RANBP17: variants seen among roughly 807,000 people sequenced by gnomAD.
RANBP17 encodes the protein RAN binding protein 17.
A neutral mutation model predicts 141.2 loss-of-function variants in RANBP17; 158 were observed. The observed-to-expected ratio is 1.12, with a 90% CI of 0.98 to 1.28. The LOEUF is 1.28. RANBP17 is among the 50% of genes most tolerant of loss of function. RANBP17 has a pLI of 0.00. For synonymous variants in RANBP17, 430 were observed against 450.0 expected, an observed-to-expected ratio of 0.96 and a Z score of 0.56; for missense variants, 1,438 against 1,290.7, an observed-to-expected ratio of 1.11 and a Z score of -1.75.
intron 13 of RANBP17, among the ~76,000 whole-genome samples, chr5:170,955,425 CTCT>C (rs1775539035): frequency 6.9e-6 from 1 of 145,168 alleles, no homozygotes; most frequent in South Asian, 2.2e-4. Flanking sequence ...TTGTGATGAT[CTCT>C]TCTAACTTAT....
intron 22 of RANBP17, among the ~76,000 whole-genome samples, chr5:171,232,632 A>G (rs990448082): frequency 6.6e-6 from 1 of 152,258 alleles, no homozygotes; most frequent in Admixed American, 6.5e-5. Flanking sequence ...CCCCCCATTC[A>G]TCACCCAAAG....
intron 14 of RANBP17, among the ~76,000 whole-genome samples, chr5:171,061,811 G>T (rs1783885272): frequency 6.6e-6 from 1 of 152,098 alleles, no homozygotes; most frequent in African/African-American, 2.4e-5. Context: ...TCTCTTTGTA[G>T]GTCACTCAGG....
intron 2 of RANBP17, among the ~76,000 whole-genome samples, chr5:170,878,485 A>G (rs925074879): frequency 1.3e-5 from 2 of 152,076 alleles, no homozygotes; most frequent in Non-Finnish European, 2.9e-5. Flanking sequence ...CTTGATTACT[A>G]TTGGTCTCTT....
At chr5:171,044,512 C>T (rs1047688770) in intron 14 of RANBP17, among the ~76,000 whole-genome samples, 1 of 151,794 alleles carries the variant, frequency 6.6e-6, no homozygotes, top group Non-Finnish European at 1.5e-5. Flanking sequence ...TTTATTTGAT[C>T]TTTGACTATA....
At chr5:171,271,081 T>C (rs1291328638) in intron 25 of RANBP17, 17 of 54,772 alleles carry the variant, frequency 3.1e-4, no homozygotes, top group East Asian at 1.0e-3. Flanking sequence ...ATTTCTTTTT[T>C]TTTTTTTTTT....
chr5:171,285,334 G>A (rs1768105055), intron 25 of RANBP17, among the ~76,000 whole-genome samples: 1 of 152,152 alleles, frequency 6.6e-6, no homozygotes, highest in Admixed American at 6.5e-5. Context: ...GGCCATTAGA[G>A]GTTCTAGAAC....
intron 25 of RANBP17, among the ~76,000 whole-genome samples, chr5:171,287,644 A>G (rs1228573802): frequency 6.7e-6 from 1 of 149,790 alleles, no homozygotes; most frequent in African/African-American, 2.5e-5. Flanking sequence ...ATGCTTTGTC[A>G]TTGGTCTCTC....
chr5:170,887,290 A>C (rs940351924), intron 3 of RANBP17, among the ~76,000 whole-genome samples: 1 of 152,170 alleles, frequency 6.6e-6, no homozygotes, highest in Non-Finnish European at 1.5e-5. Flanking sequence ...TTTCATTTTC[A>C]TGACAAAGTT....
intron 25 of RANBP17, among the ~76,000 whole-genome samples, chr5:171,275,463 T>C (rs1278679508): frequency 6.6e-6 from 1 of 152,140 alleles, no homozygotes; most frequent in East Asian, 1.9e-4. Context: ...ATTAAGAGTA[T>C]TGGAGCTTTC....
intron 25 of RANBP17, among the ~76,000 whole-genome samples, chr5:171,274,344 TAGAG>T (rs1205408167): frequency 6.6e-6 from 1 of 152,162 alleles, no homozygotes; most frequent in African/African-American, 2.4e-5. Context: ...AATTTAAAAA[TAGAG>T]AAACACTAGT....
chr5:170,954,978 T>A (rs1469443002), intron 13 of RANBP17, among the ~76,000 whole-genome samples: 7 of 152,076 alleles, frequency 4.6e-5, no homozygotes, highest in Non-Finnish European at 5.9e-5. Context: ...TCCTGTCAGA[T>A]CAGCAGGGAC....
At chr5:171,007,555 G>A (rs1779733858) in intron 14 of RANBP17, among the ~76,000 whole-genome samples, 1 of 152,082 alleles carries the variant, frequency 6.6e-6, no homozygotes, top group Non-Finnish European at 1.5e-5. Context: ...GGGACAGGTG[G>A]GAGGGAAAGA....
At chr5:170,924,697 G>T in intron 12 of RANBP17, 147 bp downstream of exon 12, 10 of 500,138 alleles carry the variant, frequency 2.0e-5, no homozygotes, top group South Asian at 2.0e-4. Context: ...TTAACCTCCT[G>T]GGTATATTGG....
chr5:171,269,419 C>T (rs945789407), intron 25 of RANBP17, among the ~76,000 whole-genome samples: 4 of 152,090 alleles, frequency 2.6e-5, no homozygotes, highest in Non-Finnish European at 4.4e-5. Flanking sequence ...AACGGATGGC[C>T]AGAGTAAAAG....
Position 170,911,423 on chromosome 5 carries a change from A to G in RANBP17, c.760+289A>G, listed in dbSNP as rs1192221998. ...AAGAGCTATGATTTGAAACTTTCAG[A>G]CTTTCAGATAAACAGAGTGGGACAG... is the stretch of plus-strand genomic sequence containing the variant. On this transcript the variant is annotated intron_variant, in intron 7 of 27. Transcript: ENST00000523189. 4.9e-5 allele frequency: 29 copies of G among 591,706 alleles called. No individual in the cohort carries two copies. The East Asian group carries it at 7.6e-4, about 16-fold the overall frequency. The allele number at this position is 591,706 out of a possible 1,614,324, so 36.7% of individuals were successfully genotyped here.
In RANBP17 at chr5:170,926,704, T is replaced by TAA. The variant is rs5873246; in HGVS notation, c.1468+2159_1468+2160dup. The stretch of plus-strand genomic sequence containing the variant: ...GTAATGTATTTCATTGTGCAAAAAT[T>TAA]AAAAAACTTAAAATGTGTTCTGTTC... On this transcript the variant is annotated intron_variant, in intron 12 of 27. Transcript: ENST00000523189. Among the ~76,000 whole-genome samples, 13 of 151,486 alleles carry TAA rather than the reference T, an allele frequency of 8.6e-5. No homozygotes were observed. In the South Asian group the frequency reaches 2.5e-3, roughly 29 times the overall value.
chr5:171,158,864 C>T (rs895096690), intron 14 of RANBP17, among the ~76,000 whole-genome samples: 3 of 152,284 alleles, frequency 2.0e-5, no homozygotes, highest in Non-Finnish European at 1.5e-5. Flanking sequence ...TACTCTCTAA[C>T]CTTCCTAAAG....
intron 19 of RANBP17, among the ~76,000 whole-genome samples, chr5:171,200,772 C>A (rs921084555): frequency 2.0e-5 from 3 of 152,104 alleles, no homozygotes; most frequent in African/African-American, 7.2e-5. Context: ...TTATGTAATT[C>A]TTCTACCAAA....
intron 22 of RANBP17, among the ~76,000 whole-genome samples, chr5:171,226,569 A>T (rs540342715): frequency 5.9e-5 from 9 of 152,172 alleles, no homozygotes; most frequent in Non-Finnish European, 1.2e-4. Flanking sequence ...TATACAAGCC[A>T]CTGTTATTCG....
Sources: gnomAD v4.1 joint callset for allele counts (sites outside exome capture counted in the v4.1 genomes callset) on GRCh38, gnomAD v4.1.1 for gene constraint, MANE v1.5 for transcripts, NCBI Gene and HGNC (gene_info 2026-07-23, HGNC 2026-07-21) for gene names.